DARS2: variants seen among roughly 807,000 people sequenced by gnomAD.
DARS2 encodes the protein aspartyl-tRNA synthetase 2, mitochondrial.
A neutral mutation model predicts 83.0 loss-of-function variants in DARS2; 63 were observed. That is an observed-to-expected ratio of 0.76 (90% CI 0.62 to 0.94). The LOEUF (loss-of-function observed/expected upper bound fraction) is 0.94, where lower values mean the gene tolerates loss of function less well. Ranked by LOEUF, DARS2 falls within the 40% of genes least tolerant of loss-of-function variation. DARS2 has a pLI of 0.00. For missense variants in DARS2, 675 were observed against 774.4 expected, an observed-to-expected ratio of 0.87 and a Z score of 1.52; for synonymous variants, 250 against 269.3, an observed-to-expected ratio of 0.93 and a Z score of 0.70.
At chr1:173,855,105 C>CTT (rs11367999) in intron 15 of DARS2, among the ~76,000 whole-genome samples, 2 of 142,852 alleles carry the variant, frequency 1.4e-5, no homozygotes, top group Admixed American at 7.0e-5. Flanking sequence ...AATCTGTTAA[C>CTT]TTTTTTTTTT....
intron 1 of DARS2, 128 bp downstream of exon 1, chr1:173,825,484 T>TTA: frequency 1.3e-5 from 7 of 537,602 alleles, no homozygotes; most frequent in South Asian, 7.9e-5. Flanking sequence ...ATTATTATTA[T>TTA]TTGAGACGGA....
At chr1:173,842,093 T>G (rs1213044390) in intron 11 of DARS2, among the ~76,000 whole-genome samples, 1 of 152,068 alleles carries the variant, frequency 6.6e-6, no homozygotes, top group African/African-American at 2.4e-5. Flanking sequence ...GCTGAGCAAG[T>G]GCTGACTCTA....
intron 9 of DARS2, 48 bp from the exon 10 acceptor site, chr1:173,839,319 T>G (rs1191965550): frequency 1.9e-6 from 3 of 1,540,544 alleles, no homozygotes; most frequent in Non-Finnish European, 2.7e-6. Context: ...TATATAAATG[T>G]GTATATATTG....
At chr1:173,844,159 A>G (rs1365027409) in intron 11 of DARS2, among the ~76,000 whole-genome samples, 2 of 152,244 alleles carry the variant, frequency 1.3e-5, no homozygotes, top group Admixed American at 1.3e-4. Flanking sequence ...GATCATTTCA[A>G]AGTTATGTAA....
Position 173,857,463 on chromosome 1 carries a change from TA to T in DARS2, c.1751-54del. On this transcript the variant is annotated intron_variant, in intron 16 of 16. Transcript: ENST00000649689. ...TACAACTTTTATAGAAAAACTAAGT[TA>T]TTTCCAACATTAGATTACATTTCTC... 3 of 1,559,082 alleles carry T rather than the reference TA, an allele frequency of 1.9e-6. No individual in the cohort carries two copies. In the South Asian group the frequency reaches 3.4e-5, roughly 17 times the overall value.
At chr1:173,851,263 AAG>A (rs1491097048) in intron 13 of DARS2, among the ~76,000 whole-genome samples, 1 of 149,402 alleles carries the variant, frequency 6.7e-6, no homozygotes, top group Non-Finnish European at 1.5e-5. Context: ...AAAAAAAAAA[AAG>A]GGTTTTTTTT....
intron 11 of DARS2, among the ~76,000 whole-genome samples, chr1:173,844,778 ATTTTTTTTTTTTTTTTTTTTT>A (rs1164469532): frequency 1.8e-5 from 1 of 56,838 alleles, no homozygotes; most frequent in Non-Finnish European, 3.1e-5. Flanking sequence ...CAGAAATTGG[ATTTTTTTTTTTTTTTTTTTTT>A]TTTTTTTTTT....
intron 11 of DARS2, among the ~76,000 whole-genome samples, chr1:173,843,059 C>A (rs1653291312): frequency 6.6e-6 from 1 of 150,836 alleles, no homozygotes; most frequent in African/African-American, 2.4e-5. Flanking sequence ...CAAGTTTGTT[C>A]TTTCTCAAGT....
Position 173,851,176 on chromosome 1 carries a change from G to A in DARS2, c.1344+697G>A, listed in dbSNP as rs1313056755. Among the ~76,000 whole-genome samples, 5 of 150,780 alleles carry A rather than the reference G, an allele frequency of 3.3e-5. No homozygotes were observed. The East Asian group carries it at 9.9e-4, about 30-fold the overall frequency. On this transcript the variant is annotated intron_variant, in intron 13 of 16. Transcript: ENST00000649689. ...AGGCAGGAGAATCACTTCAACCTGG[G>A]AGGGGGAGGTTGCAGTGAGCCGAGA...
chr1:173,847,086 C>T (rs559629787), intron 12 of DARS2, among the ~76,000 whole-genome samples: 7 of 152,086 alleles, frequency 4.6e-5, no homozygotes, highest in South Asian at 2.1e-4. Flanking sequence ...TCAAGCACAA[C>T]GAACAATAAG....
intron 7 of DARS2, among the ~76,000 whole-genome samples, chr1:173,834,763 G>GTTTTTTTTTTTTT (rs1652932155): frequency 4.1e-5 from 1 of 24,294 alleles, no homozygotes. Flanking sequence ...TTTTTGGTTT[G>GTTTTTTTTTTTTT]TTTTGGGTTT....
chr1:173,854,332 A>G lies in DARS2; in HGVS notation c.1674+427A>G, dbSNP rs146988466. Among the ~76,000 whole-genome samples the G allele has an allele frequency of 9.9e-4, 151 of 152,298 alleles. 1 individual carries two copies. The highest frequency in any genetic ancestry group is 3.6e-3 in the African/African-American group (150 of 41,558). On this transcript the variant is annotated intron_variant, in intron 15 of 16. Transcript: ENST00000649689. ...ATGATTGGAGGATTCACAAGATACAAAATAGCATCAGCTATCTCTCTACCT... is the reference window on the plus strand; with the variant it reads ...ATGATTGGAGGATTCACAAGATACAGAATAGCATCAGCTATCTCTCTACCT...
At chr1:173,842,919 A>G (rs1653284118) in intron 11 of DARS2, among the ~76,000 whole-genome samples, 1 of 149,442 alleles carries the variant, frequency 6.7e-6, no homozygotes, top group Non-Finnish European at 1.5e-5. Context: ...AGCCTGAGCA[A>G]CAGAGCAACA....
chr1:173,826,548 CTT>C (rs1652577181), intron 1 of DARS2, 137 bp from the exon 2 acceptor site: 2 of 652,270 alleles, frequency 3.1e-6, no homozygotes, highest in South Asian at 1.9e-5. Context: ...CATACTCTGA[CTT>C]ATTTTATTTT....
At chr1:173,857,085 T>TCC (rs1193652654) in intron 16 of DARS2, among the ~76,000 whole-genome samples, 2 of 152,110 alleles carry the variant, frequency 1.3e-5, no homozygotes, top group African/African-American at 2.4e-5. Flanking sequence ...GATGCCAGTG[T>TCC]CCTTCTGATT....
Position 173,853,326 on chromosome 1 carries a change from ATGTTTACGTCTTC to A in DARS2, c.1345-17_1345-5del, listed in dbSNP as rs1653743991. 6.2e-7 allele frequency: 1 copy of A among 1,607,118 alleles called. No homozygotes were observed. ...CCTGCTCTGTCAAGAAGTTAACTCA[ATGTTTACGTCTTC>A]TGTTTGCAGTGCTCTTTGTTAGGAA... On this transcript the variant is annotated splice_polypyrimidine_tract_variant and intron_variant, in intron 13 of 16. Coordinates refer to ENST00000649689, the MANE Select transcript of DARS2 (RefSeq NM_018122.5).
chr1:173,827,078 T>C (rs1652610991), intron 2 of DARS2, among the ~76,000 whole-genome samples: 1 of 152,174 alleles, frequency 6.6e-6, no homozygotes, highest in South Asian at 2.1e-4. Context: ...ATACTGGGCT[T>C]ACTAAGACTG....
chr1:173,841,983 C>G (rs1040790976), intron 11 of DARS2, among the ~76,000 whole-genome samples: 1 of 151,888 alleles, frequency 6.6e-6, no homozygotes, highest in Non-Finnish European at 1.5e-5. Context: ...GAGTTCTCAT[C>G]TCAGTTGCAC....
chr1:173,842,294 T>TTTTTC (rs1251076010), intron 11 of DARS2, among the ~76,000 whole-genome samples: 1 of 62,820 alleles, frequency 1.6e-5, no homozygotes, highest in Non-Finnish European at 3.2e-5. Context: ...CTTTTTTTTT[T>TTTTTC]TTTTTTTTTT....
Sources: allele counts gnomAD v4.1 joint callset (sites outside exome capture counted in the v4.1 genomes callset), GRCh38; gene constraint gnomAD v4.1.1; transcripts MANE v1.5; gene names NCBI Gene and HGNC (gene_info 2026-07-23, HGNC 2026-07-21).